The following ADH4 variants were observed in gnomAD, a reference collection of about 807,000 sequenced individuals.
ADH4 encodes the protein alcohol dehydrogenase 4 (class II), pi polypeptide, also known as all-trans-retinol dehydrogenase [NAD(+)] ADH4.
Under a neutral mutation model 35.2 loss-of-function variants are expected in ADH4, and 31 were observed. That is an observed-to-expected ratio of 0.88 (90% CI 0.66 to 1.19). The LOEUF is 1.19. Ranked by LOEUF, ADH4 falls within the 50% of genes most tolerant of loss-of-function variation. The pLI is 0.00. For synonymous variants in ADH4, 171 were observed against 160.2 expected, an observed-to-expected ratio of 1.07 and a Z score of -0.51; for missense variants, 476 against 458.3, an observed-to-expected ratio of 1.04 and a Z score of -0.35.
rs200856898 is a variant in ADH4 at position 99,144,263 on chromosome 4, A to G, written c.-41T>C. 1.2e-4 allele frequency: 190 copies of G among 1,604,578 alleles called. No individual in the cohort carries two copies. The highest frequency in any genetic ancestry group is 3.2e-5 in the Non-Finnish European group (38 of 1,171,544). On this transcript the variant is annotated 5_prime_UTR_variant, in exon 1 of 9. Transcript: ENST00000265512. ...TGTGTTGGAAGTTTCTTTCTGAGTT[A>G]AGAAAGCTTCAAACTCCTACCCAGG...
In ADH4 at chr4:99,131,759, G is replaced by A. The variant is rs1354783899; in HGVS notation, c.588C>T (p.Thr196=). The part of the protein sequence containing the change: ...YGAAINNAKV[T]PGSTCAVFGL... Reference sequence around the variant, plus strand: ...CAAAGACAGCACAAGTCGAACCAGGGGTGACCTGCAAGCAGGAAAATTATA... The same window carrying A: ...CAAAGACAGCACAAGTCGAACCAGGAGTGACCTGCAAGCAGGAAAATTATA... The change falls in exon 6 of 9, where the codon ACC becomes ACT. Residue 196 remains threonine, a synonymous_variant. Transcript: ENST00000265512. The A allele has an allele frequency of 6.2e-7, 1 of 1,610,890 alleles. No homozygotes were observed. Among genetic ancestry groups the A allele is most frequent in the East Asian group, 2.2e-5 (1 of 44,874 alleles).
chr4:99,125,367 C>CT (rs1406064858), intron 8 of ADH4, among the ~76,000 whole-genome samples: 6 of 152,210 alleles, frequency 3.9e-5, no homozygotes, highest in African/African-American at 1.4e-4. Context: ...CCAGGGAAGC[C>CT]TCCTGGGAGA....
rs771476745 is a variant in ADH4 at position 99,127,333 on chromosome 4, C to G, written c.855G>C (p.Leu285=). The G allele has an allele frequency of 1.9e-6, 3 of 1,596,412 alleles. No individual in the cohort carries two copies. The Admixed American group carries it at 5.3e-5, about 28-fold the overall frequency. Residue 285 remains leucine (L), a synonymous_variant, in exon 7 of 9, where the codon CTG becomes CTC. Transcript: ENST00000265512. Reference sequence around the variant, plus strand: ...ATCCCCAGCCTGCGGTTGTACAGTCCAGGGCTGCTTTCTGTGATGGAGCAT... The same window carrying G: ...ATCCCCAGCCTGCGGTTGTACAGTCGAGGGCTGCTTTCTGTGATGGAGCAT... ...AGGSETMKAA[L]DCTTAGWGSC...
At chr4:99,131,792 T>C in intron 5 of ADH4, 28 bp from the exon 6 acceptor site, 3 of 1,598,368 alleles carry the variant, frequency 1.9e-6, no homozygotes, top group Non-Finnish European at 2.6e-6. Flanking sequence ...ATAAAGTAAC[T>C]TCTAAAGCAG....
intron 4 of ADH4, among the ~76,000 whole-genome samples, chr4:99,138,750 C>T (rs767704008): frequency 7.9e-5 from 12 of 152,148 alleles, no homozygotes; most frequent in Non-Finnish European, 1.6e-4. Flanking sequence ...TTAATACATG[C>T]AGCTCAAGTT....
chr4:99,132,279 C>T (rs554163778), intron 5 of ADH4, among the ~76,000 whole-genome samples: 1 of 152,254 alleles, frequency 6.6e-6, no homozygotes, highest in East Asian at 1.9e-4. Flanking sequence ...CCATGATATT[C>T]CCAGTACAAG....
chr4:99,129,687 G>A (rs934182174), intron 6 of ADH4, among the ~76,000 whole-genome samples: 3 of 152,024 alleles, frequency 2.0e-5, no homozygotes, highest in African/African-American at 7.2e-5. Context: ...GCTATTATAA[G>A]TTTTTTTCCT....
chr4:99,143,849 AT>A (rs1481265850), intron 1 of ADH4, among the ~76,000 whole-genome samples: 1 of 152,162 alleles, frequency 6.6e-6, no homozygotes, highest in Non-Finnish European at 1.5e-5. Flanking sequence ...TGTCCATAGT[AT>A]TTTGTAATAT....
At chr4:99,131,235 A>C (rs1222108180) in intron 6 of ADH4, among the ~76,000 whole-genome samples, 1 of 152,190 alleles carries the variant, frequency 6.6e-6, no homozygotes, top group Admixed American at 6.5e-5. Flanking sequence ...AAAAATCAGC[A>C]TCTACAAATA....
intron 4 of ADH4, among the ~76,000 whole-genome samples, chr4:99,137,248 C>T (rs923379080): frequency 2.0e-5 from 3 of 152,162 alleles, no homozygotes; most frequent in African/African-American, 7.2e-5. Context: ...CTGCCTCAGC[C>T]TCCCGAGTAG....
In ADH4 at chr4:99,126,594, C is replaced by A; in HGVS notation, c.1118G>T (p.Ser373Ile). ...EAFDLMNQGK[S>I]VRTILIF Reference sequence around the variant, plus strand: ...ATTCAGTCATCTATTAGTAATGTACCTTTTTCCTTGGTTCATTAGGTCAAA... The same window carrying A: ...ATTCAGTCATCTATTAGTAATGTACATTTTTCCTTGGTTCATTAGGTCAAA... The change falls in exon 8 of 9, where the codon AGC (serine) becomes ATC (isoleucine). Residue 373 changes from serine to isoleucine, a missense_variant and splice_region_variant. Coordinates refer to ENST00000265512, the MANE Select transcript of ADH4 (RefSeq NM_000670.5). 6.2e-7 allele frequency: 1 copy of A among 1,602,316 alleles called. No individual in the cohort carries two copies. Among genetic ancestry groups the A allele is most frequent in the Non-Finnish European group, 8.5e-7 (1 of 1,171,652 alleles).
rs543904085 is a variant in ADH4, at chr4:99,127,748, G to C, written c.844-404C>G. Among the ~76,000 whole-genome samples the C allele has an allele frequency of 1.6e-3, 249 of 151,720 alleles. 1 individual carries two copies. Among genetic ancestry groups the C allele is most frequent in the Non-Finnish European group, 2.5e-3 (167 of 67,960 alleles). On this transcript the variant is annotated intron_variant, in intron 6 of 8. Coordinates refer to ENST00000265512, the MANE Select transcript of ADH4 (RefSeq NM_000670.5). The stretch of plus-strand genomic sequence containing the variant: ...GGAAGCTGAGACTGGAGAACTGCCT[G>C]AACCCGGGAGGAGGAGGAGGTTGCA...
Position 99,123,978 on chromosome 4 carries a change from C to G in ADH4, c.*464G>C, listed in dbSNP as rs970281955. The stretch of plus-strand genomic sequence containing the variant: ...GCTCTCTCTCTGCCGACTCCCTGCC[C>G]TCAACAGGCCCCAGTGTGTGTTGTT... On this transcript the variant is annotated 3_prime_UTR_variant, in exon 9 of 9. Coordinates refer to ENST00000265512, the MANE Select transcript of ADH4 (RefSeq NM_000670.5). The G allele has an allele frequency of 6.2e-6, 1 of 160,004 alleles. No individual in the cohort carries two copies. The highest frequency in any genetic ancestry group is 2.4e-5 in the African/African-American group (1 of 41,456). The allele number at this position is 160,004 out of a possible 1,614,324, so 9.9% of individuals were successfully genotyped here. A position where few individuals can be genotyped will look rare whatever the true frequency, so the allele number is the denominator to read the frequency against.
At chr4:99,124,519 C>G in intron 8 of ADH4, 53 bp from the exon 9 acceptor site, 1 of 1,153,744 alleles carries the variant, frequency 8.7e-7, no homozygotes, top group Non-Finnish European at 1.2e-6. Flanking sequence ...TAAATTTAAC[C>G]AAAGCTCACA....
chr4:99,138,535 T>C (rs1334791666), intron 4 of ADH4, among the ~76,000 whole-genome samples: 2 of 152,218 alleles, frequency 1.3e-5, no homozygotes, highest in Non-Finnish European at 2.9e-5. Context: ...TACTGTGCCT[T>C]ATTGTATCCC....
At chr4:99,132,616 T>G (rs1461300657) in intron 5 of ADH4, among the ~76,000 whole-genome samples, 1 of 152,216 alleles carries the variant, frequency 6.6e-6, no homozygotes, top group Non-Finnish European at 1.5e-5. Context: ...ATATTGAGTC[T>G]TTAATAAATA....
intron 6 of ADH4, among the ~76,000 whole-genome samples, chr4:99,128,367 T>C (rs1225335227): frequency 1.3e-5 from 2 of 151,586 alleles, no homozygotes; most frequent in African/African-American, 2.4e-5. Context: ...GCCCAGGAGG[T>C]GGAGGTTGCG....
At position 99,124,144 on chromosome 4, in the gene ADH4, TTTTA is replaced by T. The variant is rs1579388703; in HGVS notation, c.*294_*297del. The T allele has an allele frequency of 7.3e-6, 2 of 275,720 alleles. No individual in the cohort carries two copies. The highest frequency in any genetic ancestry group is 2.3e-5 in the African/African-American group (1 of 44,418). 17.1% of individuals were successfully genotyped at this position (275,720 alleles called of 1,614,324 possible). A position where few individuals can be genotyped will look rare whatever the true frequency, so the allele number is the denominator to read the frequency against. ...AATTATAAACATATGGCCAATCTAG[TTTTA>T]TTTATTATCTCTTCATTCCCCACTT... On this transcript the variant is annotated 3_prime_UTR_variant, in exon 9 of 9. Coordinates refer to ENST00000265512, the MANE Select transcript of ADH4 (RefSeq NM_000670.5).
Position 99,127,193 on chromosome 4 carries a change from GAA to G in ADH4, c.979+14_979+15del. On this transcript the variant is annotated intron_variant, in intron 7 of 8. Transcript: ENST00000265512. ...TAGGAAAAGAATTTAAAGCTATGAA[GAA>G]AAAAAAAACTGACCACCAAAGAATG... The G allele has an allele frequency of 7.9e-7, 1 of 1,258,570 alleles. No homozygotes were observed. Among genetic ancestry groups the G allele is most frequent in the Non-Finnish European group, 1.1e-6 (1 of 918,208 alleles). The allele number at this position is 1,258,570 out of a possible 1,614,324, so 78.0% of individuals were successfully genotyped here.
Sources: allele counts gnomAD v4.1 joint callset (sites outside exome capture counted in the v4.1 genomes callset), GRCh38; gene constraint gnomAD v4.1.1; transcripts MANE v1.5; gene names NCBI Gene and HGNC (gene_info 2026-07-23, HGNC 2026-07-21).